TNNT1: variants seen among roughly 807,000 people sequenced by gnomAD.
TNNT1 encodes troponin T1, slow skeletal type.
A neutral mutation model predicts 50.6 loss-of-function variants in TNNT1; 53 were observed. The observed-to-expected ratio is 1.05, with a 90% CI of 0.84 to 1.32. The LOEUF (loss-of-function observed/expected upper bound fraction) is 1.32, where lower values mean the gene tolerates loss of function less well. Ranked by LOEUF, TNNT1 falls within the 40% of genes most tolerant of loss-of-function variation. The probability of loss-of-function intolerance (pLI) is 0.00; values close to 1 mark genes in which losing one functional copy is unlikely to be tolerated. For synonymous variants in TNNT1, 142 were observed against 138.0 expected (o/e 1.03, Z -0.20); for missense variants, 348 against 381.7 (o/e 0.91, Z 0.74).
chr19:55,145,685 C>T, intron 5 of TNNT1, 120 bp from the exon 6 acceptor site: 1 of 1,000,178 alleles, frequency 1.0e-6, no homozygotes, highest in South Asian at 1.3e-5. Flanking sequence ...CAGGGAAGGA[C>T]TCTGGAGTCC....
Position 55,137,100 on chromosome 19 carries a change from T to G in TNNT1, c.611+3A>C. On this transcript the variant is annotated splice_donor_region_variant and intron_variant, in intron 11 of 13. Transcript: ENST00000588981. ...TACACCCCGAGCCCCCCACAGCACC[T>G]ACCGGAGCTGTTCCTCCCCCATGTA... The G allele has an allele frequency of 5.3e-6, 4 of 749,014 alleles. No homozygotes were observed. Among genetic ancestry groups the G allele is most frequent in the Non-Finnish European group, 8.4e-6 (4 of 476,462 alleles). The allele number at this position is 749,014 out of a possible 1,614,324, so 46.4% of individuals were successfully genotyped here. A position where few individuals can be genotyped will look rare whatever the true frequency, so the allele number is the denominator to read the frequency against.
intron 13 of TNNT1, 31 bp from the exon 14 acceptor site, chr19:55,132,991 A>T: frequency 6.3e-7 from 1 of 1,579,322 alleles, no homozygotes; most frequent in East Asian, 2.3e-5. Flanking sequence ...ATCAGGAAAA[A>T]GGGGCCCCTC....
rs773089986 is a variant in TNNT1 at position 55,132,938 on chromosome 19, G to A, written c.814C>T (p.Arg272Cys). ...QKFRKGAGKG[R>C]VGGRWK is the part of the protein sequence containing the mutation. ...CCTCACTTCCAGCGGCCTCCAACGC[G>A]GCCCTTCCCTGCCCCCTTCCGGCTG... The change falls in exon 14 of 14, where the codon CGC becomes TGC. Residue 272 changes from arginine to cysteine, a missense_variant. Arg to Cys is a radical substitution (Grantham distance 180). Coordinates refer to ENST00000588981, the MANE Select transcript of TNNT1 (RefSeq NM_003283.6). The A allele has an allele frequency of 2.5e-6, 4 of 1,603,628 alleles. No homozygotes were observed. The highest frequency in any genetic ancestry group is 1.3e-5 in the African/African-American group (1 of 74,836).
At chr19:55,146,807 C>T in intron 3 of TNNT1, 100 bp from the exon 4 acceptor site, 1 of 1,170,476 alleles carries the variant, frequency 8.5e-7, no homozygotes. Context: ...ACGGGGGTCC[C>T]TCTGGCCTCG....
Position 55,146,470 on chromosome 19 carries a change from G to C in TNNT1, c.74-4C>G. The C allele has an allele frequency of 7.3e-7, 1 of 1,371,510 alleles. No individual in the cohort carries two copies. The allele number at this position is 1,371,510 out of a possible 1,614,324, so 85.0% of individuals were successfully genotyped here. Reference sequence around the variant, plus strand: ...ACCGGCTCCGGCTCTTCGGGGGCTGGGGAGGGGAGGGAGGAGCAGCGAGGG... The same window carrying C: ...ACCGGCTCCGGCTCTTCGGGGGCTGCGGAGGGGAGGGAGGAGCAGCGAGGG... On this transcript the variant is annotated splice_polypyrimidine_tract_variant and splice_region_variant and intron_variant, in intron 4 of 13. Coordinates refer to ENST00000588981, the MANE Select transcript of TNNT1 (RefSeq NM_003283.6).
chr19:55,137,190 C>G lies in TNNT1; in HGVS notation c.524G>C (p.Arg175Pro), dbSNP rs376309451. 1 of 1,613,580 alleles carries G rather than the reference C, an allele frequency of 6.2e-7. No individual in the cohort carries two copies. Among genetic ancestry groups the G allele is most frequent in the Admixed American group, 1.7e-5 (1 of 59,982 alleles). The change falls in exon 11 of 14, where the codon CGG becomes CCG. Residue 175 changes from arginine (R) to proline (P), a missense_variant. By Grantham distance (103) the Arg-to-Pro change is moderately radical. Around this residue, in one of 3 missense-constraint regions of TNNT1, gnomAD observed 253 missense variants for 291.8 expected, o/e 0.87. Transcript: ENST00000588981. Reference protein sequence around the residue: ...LVKAEQKRGKRQTGREMKVRI... With the variant: ...LVKAEQKRGKPQTGREMKVRI... ...CACCTTCATCTCCCGCCCCGTCTGC[C>G]GCTTACCACGCTTCTGTTCTGCCTG...
intron 3 of TNNT1, 91 bp from the exon 4 acceptor site, chr19:55,146,798 C>T: frequency 8.4e-7 from 1 of 1,188,588 alleles, no homozygotes; most frequent in Non-Finnish European, 1.2e-6. Flanking sequence ...CTCTGCTGGA[C>T]GGGGGTCCCT....
chr19:55,138,866 C>A (rs564489302), intron 9 of TNNT1, among the ~76,000 whole-genome samples: 2 of 152,116 alleles, frequency 1.3e-5, no homozygotes, highest in Non-Finnish European at 2.9e-5. Flanking sequence ...GAATATTGAG[C>A]GAAGGCATTA....
chr19:55,148,192 A>C (rs2085616221), intron 1 of TNNT1: 1 of 152,028 alleles, frequency 6.6e-6, no homozygotes. Flanking sequence ...GGGATGTCAT[A>C]GATGGTGAAA....
rs755220612 is a variant in TNNT1 at position 55,134,197 on chromosome 19, A to G, written c.619T>C (p.Ser207Pro). 14 of 1,573,032 alleles carry G rather than the reference A, an allele frequency of 8.9e-6. No individual in the cohort carries two copies. Among genetic ancestry groups the G allele is most frequent in the Non-Finnish European group, 1.2e-5 (14 of 1,159,152 alleles). ...YMGEEQLRAR[S>P]AWLPPSQPSC... ...GGCTGTGATGGAGGCAGCCAGGCAGACCGGGCCCTAGGCCCAGGGACGGAG... is the reference window on the plus strand; with the variant it reads ...GGCTGTGATGGAGGCAGCCAGGCAGGCCGGGCCCTAGGCCCAGGGACGGAG... The change falls in exon 12 of 14, where the codon TCT becomes CCT. Residue 207 changes from serine (S) to proline (P), a missense_variant. Ser to Pro is a moderately conservative substitution (Grantham distance 74, BLOSUM62 -1). Around this residue, in one of 3 missense-constraint regions of TNNT1, gnomAD observed 253 missense variants for 291.8 expected, o/e 0.87. Coordinates refer to ENST00000588981, the MANE Select transcript of TNNT1 (RefSeq NM_003283.6).
intron 11 of TNNT1, chr19:55,135,525 CT>C (rs35798514): frequency 0.063 from 10,823 of 171,534 alleles, 2 homozygotes; most frequent in South Asian, 0.16. Context: ...TCACCTCAGC[CT>C]TTTTTTTTTT....
At chr19:55,146,870 T>C (rs1373792579) in intron 3 of TNNT1, 138 bp downstream of exon 3, 1 of 1,296,012 alleles carries the variant, frequency 7.7e-7, no homozygotes, top group Non-Finnish European at 1.0e-6. Context: ...GAGGAGACGC[T>C]CCAGACCCGG....
At chr19:55,136,075 G>A (rs920095623) in intron 11 of TNNT1, among the ~76,000 whole-genome samples, 2 of 152,208 alleles carry the variant, frequency 1.3e-5, no homozygotes, top group Non-Finnish European at 2.9e-5. Context: ...CACTAGCAAA[G>A]AGTACGGACT....
chr19:55,133,071 C>A lies in TNNT1; in HGVS notation c.792-111G>T, dbSNP rs143223467. 711 of 998,660 alleles carry A rather than the reference C, an allele frequency of 7.1e-4. 2 individuals carry two copies. In the African/African-American group the frequency reaches 0.01, roughly 14 times the overall value. 61.9% of individuals were successfully genotyped at this position (998,660 alleles called of 1,614,324 possible). On this transcript the variant is annotated intron_variant, in intron 13 of 13. Coordinates refer to ENST00000588981, the MANE Select transcript of TNNT1 (RefSeq NM_003283.6). ...TCCCCAAAATATTAGCCCTCCCTGC[C>A]CAGAGGAAGCAGTGAGCAAAACAAC...
chr19:55,141,392 C>T, intron 7 of TNNT1, 90 bp from the exon 8 acceptor site: 1 of 935,878 alleles, frequency 1.1e-6, no homozygotes, highest in Non-Finnish European at 1.8e-6. Context: ...GTGAACTGAA[C>T]CGTTTCCCAG....
chr19:55,145,678 GGAA>G (rs1374855334), intron 5 of TNNT1, 113 bp from the exon 6 acceptor site: 16 of 1,148,984 alleles, frequency 1.4e-5, no homozygotes, highest in Non-Finnish European at 2.1e-5. Flanking sequence ...AGGACCCCAG[GGAA>G]GGACTCTGGA....
chr19:55,145,794 G>C (rs2085538670), intron 5 of TNNT1, among the ~76,000 whole-genome samples: 1 of 152,030 alleles, frequency 6.6e-6, no homozygotes, highest in African/African-American at 2.4e-5. Flanking sequence ...TATACATTCA[G>C]AACTGGTGTG....
intron 1 of TNNT1, among the ~76,000 whole-genome samples, chr19:55,147,671 AGGGGCTGGGGTCT>A (rs2085598365): frequency 6.0e-5 from 2 of 33,600 alleles, no homozygotes; most frequent in Non-Finnish European, 5.0e-5. Flanking sequence ...CTGAGGGAGG[AGGGGCTGGGGTCT>A]GGACTCCTGG....
At chr19:55,145,083 T>C (rs572194055) in intron 6 of TNNT1, among the ~76,000 whole-genome samples, 4 of 146,392 alleles carry the variant, frequency 2.7e-5, no homozygotes, top group South Asian at 2.1e-4. Context: ...TGCTTGAGGA[T>C]AGGAGTTCAA....
Sources: allele counts gnomAD v4.1 joint callset (sites outside exome capture counted in the v4.1 genomes callset), GRCh38; gene constraint gnomAD v4.1.1; regional missense constraint gnomAD v4.1.1; transcripts MANE v1.5; gene names NCBI Gene and HGNC (gene_info 2026-07-23, HGNC 2026-07-21).